The following UCHL5 variants were observed in gnomAD, a reference collection of about 807,000 sequenced individuals.
UCHL5 encodes ubiquitin C-terminal hydrolase L5.
In UCHL5, 34 loss-of-function variants were observed where a neutral mutation model predicts 53.8. The observed-to-expected ratio is 0.63, with a 90% CI of 0.48 to 0.84. The LOEUF (loss-of-function observed/expected upper bound fraction) is 0.84, where lower values mean the gene tolerates loss of function less well. Among genes scored for constraint, UCHL5 ranks in the 40% least tolerant of loss-of-function variants. The pLI is 0.00. For synonymous variants in UCHL5, 111 were observed against 126.3 expected, an observed-to-expected ratio of 0.88 and a Z score of 0.81; for missense variants, 290 against 385.6, an observed-to-expected ratio of 0.75 and a Z score of 2.08.
chr1:193,041,560 C>T (rs1009633249), intron 3 of UCHL5, among the ~76,000 whole-genome samples: 2 of 152,156 alleles, frequency 1.3e-5, no homozygotes, highest in South Asian at 2.1e-4. Flanking sequence ...CTTCAGAAAA[C>T]GTTTGGATAT....
At chr1:193,027,747 C>A in intron 7 of UCHL5, 1 of 378,796 alleles carries the variant, frequency 2.6e-6, no homozygotes, top group Non-Finnish European at 4.8e-6. Context: ...TGTTTAACTT[C>A]TCTAAAGACA....
At chr1:193,041,257 T>G (rs1264875365) in intron 3 of UCHL5, among the ~76,000 whole-genome samples, 4 of 152,164 alleles carry the variant, frequency 2.6e-5, no homozygotes, top group Admixed American at 6.5e-5. Flanking sequence ...CCCCAAAATA[T>G]GTACATCTAC....
chr1:193,045,654 G>C (rs960226972), intron 3 of UCHL5, among the ~76,000 whole-genome samples: 1 of 152,074 alleles, frequency 6.6e-6, no homozygotes, highest in Admixed American at 6.5e-5. Context: ...CCCAGTCTCA[G>C]GTATTTCTTT....
chr1:193,013,642 CCCTTTTTTTCCCTCAAATAAACA>C lies in UCHL5; in HGVS notation c.*2686_*2708del. 6.6e-6 allele frequency: 1 copy of C among 152,106 alleles called. No homozygotes were observed. Among genetic ancestry groups the C allele is most frequent in the African/African-American group, 2.4e-5 (1 of 41,510 alleles). 9.4% of individuals were successfully genotyped at this position (152,106 alleles called of 1,614,324 possible). ...GTTTTTGAGGAGAATACATTAAAAGCCCTTTTTTTCCCTCAAATAAACAAAATCCTCCTACAGGATAAAAATAT... is the reference window on the plus strand; with the variant it reads ...GTTTTTGAGGAGAATACATTAAAAGCAAATCCTCCTACAGGATAAAAATAT... On this transcript the variant is annotated 3_prime_UTR_variant, in exon 11 of 11. Transcript: ENST00000367454.
At chr1:193,041,468 C>T (rs1665540472) in intron 3 of UCHL5, among the ~76,000 whole-genome samples, 2 of 152,054 alleles carry the variant, frequency 1.3e-5, no homozygotes, top group South Asian at 2.1e-4. Context: ...AATTTAAAAG[C>T]CTAGCAATGC....
chr1:193,024,812 G>GT (rs1658533576), intron 7 of UCHL5, among the ~76,000 whole-genome samples: 1 of 151,978 alleles, frequency 6.6e-6, no homozygotes, highest in Non-Finnish European at 1.5e-5. Context: ...ATCTCTAAGA[G>GT]TTTCTCATAC....
chr1:193,024,792 G>C (rs1237270263), intron 7 of UCHL5, among the ~76,000 whole-genome samples: 1 of 151,868 alleles, frequency 6.6e-6, no homozygotes, highest in Non-Finnish European at 1.5e-5. Flanking sequence ...AGCCCATTTT[G>C]CATTAGTTTA....
intron 1 of UCHL5, 149 bp from the exon 2 acceptor site, chr1:193,051,966 T>C (rs1669192374): frequency 3.5e-6 from 2 of 569,026 alleles, no homozygotes; most frequent in Admixed American, 3.1e-5. Flanking sequence ...ATTACTCTCT[T>C]TAATATATCC....
chr1:193,038,946 T>C (rs1249619981), intron 3 of UCHL5, among the ~76,000 whole-genome samples: 1 of 151,948 alleles, frequency 6.6e-6, no homozygotes, highest in Non-Finnish European at 1.5e-5. Flanking sequence ...TAGTGAGCTA[T>C]GATTGTGCTA....
intron 1 of UCHL5, among the ~76,000 whole-genome samples, chr1:193,052,060 C>T (rs1398443809): frequency 6.6e-6 from 1 of 151,712 alleles, no homozygotes; most frequent in Non-Finnish European, 1.5e-5. Context: ...ATGACTGTTC[C>T]TTCTCTCTCT....
chr1:193,032,535 G>C (rs766303895), intron 3 of UCHL5, among the ~76,000 whole-genome samples: 6 of 152,100 alleles, frequency 3.9e-5, no homozygotes, highest in Admixed American at 1.3e-4. Context: ...ATGGGATCCA[G>C]TTAAACTGAA....
At chr1:193,020,283 A>G (rs1216971540) in intron 10 of UCHL5, 1 of 1,531,426 alleles carries the variant, frequency 6.5e-7, no homozygotes, top group Non-Finnish European at 8.8e-7. Context: ...TAAACTTTAA[A>G]ATTAATAAGG....
At chr1:193,033,473 C>T (rs911937015) in intron 3 of UCHL5, among the ~76,000 whole-genome samples, 5 of 151,708 alleles carry the variant, frequency 3.3e-5, no homozygotes. Context: ...ACGTGTATAC[C>T]TATGTAACAA....
intron 10 of UCHL5, chr1:193,018,883 AT>A: frequency 6.9e-7 from 1 of 1,451,544 alleles, no homozygotes. Context: ...TCTATAGGTA[AT>A]TTTTCTTAGA....
At chr1:193,058,481 T>C (rs1156374184) in intron 1 of UCHL5, among the ~76,000 whole-genome samples, 2 of 152,128 alleles carry the variant, frequency 1.3e-5, no homozygotes, top group Non-Finnish European at 2.9e-5. Context: ...AAAAGTAAAA[T>C]GTGTTGATTA....
At chr1:193,026,856 C>T (rs923640612) in intron 7 of UCHL5, among the ~76,000 whole-genome samples, 1 of 152,146 alleles carries the variant, frequency 6.6e-6, no homozygotes, top group Non-Finnish European at 1.5e-5. Context: ...TCCAGATGTC[C>T]TTCAATGGAT....
Position 193,029,383 on chromosome 1 carries a change from T to C in UCHL5, c.434+5A>G, listed in dbSNP as rs192961842. The C allele has an allele frequency of 2.3e-4, 366 of 1,613,714 alleles. 2 individuals are homozygous for C. The African/African-American group carries it at 4.1e-3, about 18-fold the overall frequency. On this transcript the variant is annotated splice_donor_5th_base_variant and intron_variant, in intron 5 of 10. Coordinates refer to ENST00000367454, the MANE Select transcript of UCHL5 (RefSeq NM_001199261.3). ...CAGTATTTATTTAACATAAAGTCTCTTTACCTGGCGAAACTGTTGTGTACT... is the reference window on the plus strand; with the variant it reads ...CAGTATTTATTTAACATAAAGTCTCCTTACCTGGCGAAACTGTTGTGTACT...
At chr1:193,028,030 T>C in intron 7 of UCHL5, 55 bp downstream of exon 7, 1 of 1,582,226 alleles carries the variant, frequency 6.3e-7, no homozygotes, top group Non-Finnish European at 8.5e-7. Flanking sequence ...AATACAAGTT[T>C]AAAAAATACT....
At chr1:193,035,998 C>G (rs1406353692) in intron 3 of UCHL5, among the ~76,000 whole-genome samples, 1 of 151,376 alleles carries the variant, frequency 6.6e-6, no homozygotes, top group Non-Finnish European at 1.5e-5. Flanking sequence ...AATAGATTCA[C>G]TAAAAATAAA....
Sources: allele counts gnomAD v4.1 joint callset (sites outside exome capture counted in the v4.1 genomes callset), GRCh38; gene constraint gnomAD v4.1.1; transcripts MANE v1.5; gene names NCBI Gene and HGNC (gene_info 2026-07-23, HGNC 2026-07-21).